KAZN: variants seen among roughly 807,000 people sequenced by gnomAD.
KAZN encodes the protein kazrin, periplakin interacting protein.
Under a neutral mutation model 87.4 loss-of-function variants are expected in KAZN, and 40 were observed. The observed-to-expected ratio is 0.46, with a 90% CI of 0.36 to 0.60. KAZN has a LOEUF of 0.60. Among genes scored for constraint, KAZN ranks in the 20% least tolerant of loss-of-function variants. KAZN has a pLI of 0.00. For synonymous variants in KAZN, 466 were observed against 458.3 expected (o/e 1.02, Z -0.22); for missense variants, 898 against 1,073.9 (o/e 0.84, Z 2.29).
intron 2 of KAZN, among the ~76,000 whole-genome samples, chr1:14,526,334 G>A (rs992033365): frequency 2.6e-5 from 4 of 152,182 alleles, no homozygotes; most frequent in Non-Finnish European, 5.9e-5. Context: ...GTCTGGGGCA[G>A]CCATATTTGG....
intron 1 of KAZN, among the ~76,000 whole-genome samples, chr1:14,122,003 A>G (rs1051806615): frequency 1.3e-5 from 2 of 152,188 alleles, no homozygotes; most frequent in Non-Finnish European, 2.9e-5. Context: ...AGATGAGGCT[A>G]GAGAAGTAAT....
At chr1:14,765,900 C>T (rs1644871399) in intron 1 of KAZN, among the ~76,000 whole-genome samples, 1 of 152,332 alleles carries the variant, frequency 6.6e-6, no homozygotes, top group African/African-American at 2.4e-5. Context: ...ATGACACTCA[C>T]ACCAGAAGCC....
At chr1:14,174,339 G>C (rs975252140) in intron 1 of KAZN, among the ~76,000 whole-genome samples, 64 of 152,198 alleles carry the variant, frequency 4.2e-4, no homozygotes, top group African/African-American at 1.5e-3. Context: ...ATGGGGAGTA[G>C]AGAGGGAACT....
chr1:14,652,075 C>T (rs568789237), intron 1 of KAZN, among the ~76,000 whole-genome samples: 46 of 152,286 alleles, frequency 3.0e-4, no homozygotes, highest in Admixed American at 6.5e-4. Flanking sequence ...ATCACCAGGC[C>T]ATATGTGAGG....
chr1:14,656,881 C>T (rs1638826105), intron 1 of KAZN, among the ~76,000 whole-genome samples: 1 of 152,172 alleles, frequency 6.6e-6, no homozygotes, highest in South Asian at 2.1e-4. Context: ...CAAACCATAT[C>T]GCATATCATC....
chr1:15,025,165 TA>T (rs34741422), intron 2 of KAZN, among the ~76,000 whole-genome samples: 74,978 of 151,916 alleles, frequency 0.49, 18,592 homozygotes, highest in Admixed American at 0.53. Context: ...TCCAGGAACT[TA>T]ATATCACAGG....
intron 2 of KAZN, among the ~76,000 whole-genome samples, chr1:14,419,484 C>T (rs567646219): frequency 2.0e-5 from 3 of 152,324 alleles, no homozygotes; most frequent in Admixed American, 1.3e-4. Context: ...CGCCTCTTCC[C>T]TGGACTTACC....
At chr1:13,944,494 C>T (rs1036633299) in intron 1 of KAZN, among the ~76,000 whole-genome samples, 1 of 152,148 alleles carries the variant, frequency 6.6e-6, no homozygotes, top group Non-Finnish European at 1.5e-5. Flanking sequence ...TTGACTTGTA[C>T]ACTTGAGATG....
chr1:14,024,172 G>A (rs1426995871), intron 1 of KAZN, among the ~76,000 whole-genome samples: 3 of 152,178 alleles, frequency 2.0e-5, no homozygotes, highest in African/African-American at 4.8e-5. Context: ...GAAAAAGTTC[G>A]ATGCAGAAAG....
chr1:14,379,454 C>A (rs1208565504), intron 2 of KAZN, among the ~76,000 whole-genome samples: 2 of 152,000 alleles, frequency 1.3e-5, no homozygotes, highest in Non-Finnish European at 2.9e-5. Flanking sequence ...TCCCTGATTT[C>A]AGGCCTTGGC....
intron 1 of KAZN, among the ~76,000 whole-genome samples, chr1:14,014,104 C>T (rs1640450734): frequency 6.6e-6 from 1 of 152,076 alleles, no homozygotes; most frequent in Non-Finnish European, 1.5e-5. Context: ...CTCATGAGGA[C>T]TCTATATGCC....
intron 8 of KAZN, among the ~76,000 whole-genome samples, chr1:15,069,307 G>A (rs1223103082): frequency 6.6e-6 from 1 of 152,148 alleles, no homozygotes; most frequent in East Asian, 1.9e-4. Flanking sequence ...GGCATACAAG[G>A]ATAAAGCCTT....
chr1:14,253,718 G>A (rs1251637379), intron 2 of KAZN, among the ~76,000 whole-genome samples: 1 of 152,058 alleles, frequency 6.6e-6, no homozygotes, highest in East Asian at 1.9e-4. Context: ...TGCCCACACT[G>A]TAGCCTCCTT....
Position 15,109,857 on chromosome 1 carries a change from G to A in KAZN, c.2049-2570G>A, listed in dbSNP as rs534254369. On this transcript the variant is annotated intron_variant, in intron 13 of 14. Coordinates refer to ENST00000376030, the MANE Select transcript of KAZN (RefSeq NM_201628.3). ...GTGGTGTTTGTGTATGTTTATGTGC[G>A]TGTATATATGTGTGTATGTGCATGT... Among the ~76,000 whole-genome samples, 16 of 150,974 alleles carry A rather than the reference G, an allele frequency of 1.1e-4. No homozygotes were observed. In the South Asian group the frequency reaches 1.7e-3, roughly 16 times the overall value.
At chr1:14,244,135 C>A (rs2100587324) in intron 2 of KAZN, among the ~76,000 whole-genome samples, 1 of 152,342 alleles carries the variant, frequency 6.6e-6, no homozygotes, top group East Asian at 1.9e-4. Flanking sequence ...ACAAAAAACT[C>A]TTGAGATATA....
intron 1 of KAZN, among the ~76,000 whole-genome samples, chr1:14,652,481 G>GT (rs1638460348): frequency 3.8e-4 from 1 of 2,648 alleles, no homozygotes; most frequent in Non-Finnish European, 8.3e-4. Context: ...CCACCCACCC[G>GT]CCCATCCACC....
At position 14,066,749 on chromosome 1, in the gene KAZN, C is replaced by T. The variant is rs78795712; in HGVS notation, c.92-113686C>T. 5.5e-3 allele frequency among the ~76,000 whole-genome samples: 844 copies of T among 152,282 alleles called. 7 individuals are homozygous for T. The highest frequency in any genetic ancestry group is 0.018 in the African/African-American group (764 of 41,554). On this transcript the variant is annotated intron_variant, in intron 1 of 16. Coordinates refer to the KAZN transcript ENST00000636203. ...CTTTATGACTCTTCCCCATAACCTC[C>T]TTTCTGGTTGATAAGTTACAGGGTA...
intron 3 of KAZN, among the ~76,000 whole-genome samples, chr1:15,038,424 A>G (rs908414455): frequency 5.9e-5 from 9 of 152,194 alleles, no homozygotes; most frequent in African/African-American, 1.9e-4. Context: ...ACCTATAGCA[A>G]ATGTTTATTG....
intron 2 of KAZN, among the ~76,000 whole-genome samples, chr1:14,284,363 G>A (rs1374928428): frequency 6.6e-6 from 1 of 152,158 alleles, no homozygotes; most frequent in African/African-American, 2.4e-5. Context: ...CTAAGTGGCA[G>A]TCAGCAAGGG....
Sources: allele counts gnomAD v4.1 joint callset (sites outside exome capture counted in the v4.1 genomes callset), GRCh38; gene constraint gnomAD v4.1.1; transcripts MANE v1.5; gene names NCBI Gene and HGNC (gene_info 2026-07-23, HGNC 2026-07-21).